Variants in ARGFX observed in about 807,000 individuals in gnomAD.
ARGFX encodes the protein arginine-fifty homeobox.
In ARGFX, 10 loss-of-function variants were observed where a neutral mutation model predicts 8.0. That is an observed-to-expected ratio of 1.25 (90% CI 0.77 to 2.12). The LOEUF is 2.12. Ranked by LOEUF, ARGFX falls within the 30% of genes most tolerant of loss-of-function variation. ARGFX has a pLI of 0.00. For missense variants in ARGFX, 282 were observed against 324.3 expected (o/e 0.87, Z 1.00); for synonymous variants, 116 against 117.8 (o/e 0.98, Z 0.10).
intron 2 of ARGFX, among the ~76,000 whole-genome samples, chr3:121,571,029 TATA>T (rs1372276619): frequency 1.6e-4 from 24 of 152,224 alleles, no homozygotes; most frequent in African/African-American, 5.5e-4. Flanking sequence ...AAGCTAAGAA[TATA>T]ATATATAGAG....
At position 121,570,747 on chromosome 3, in the gene ARGFX, C is replaced by T. The variant is rs147644178; in HGVS notation, c.34C>T (p.Pro12Ser). The T allele has an allele frequency of 2.5e-3, 4,077 of 1,610,598 alleles. 105 individuals carry two copies. The East Asian group carries it at 0.059, about 23-fold the overall frequency. Residue 12 changes from proline to serine, a missense_variant, in exon 2 of 5, where the codon CCA becomes TCA. Pro to Ser is a moderately conservative substitution (Grantham distance 74). Transcript: ENST00000334384. The stretch of plus-strand genomic sequence containing the variant: ...CAGAATGGCCCCAGAGAATCCCCAG[C>T]CAGACCCTTTCATCAATAGGAATTA... ...RNRMAPENPQ[P>S]DPFINRNYSN... is the part of the protein sequence containing the mutation.
At chr3:121,583,555 C>T (rs2048792871) in intron 3 of ARGFX, among the ~76,000 whole-genome samples, 1 of 151,768 alleles carries the variant, frequency 6.6e-6, no homozygotes, top group African/African-American at 2.4e-5. Flanking sequence ...GGCAATTCTC[C>T]CACCTCAGCC....
intron 2 of ARGFX, among the ~76,000 whole-genome samples, chr3:121,574,481 G>T (rs1158786893): frequency 6.6e-6 from 1 of 152,210 alleles, no homozygotes; most frequent in Non-Finnish European, 1.5e-5. Flanking sequence ...GACAGTGACA[G>T]ATCACCAGGC....
rs2048822827 is a variant in ARGFX, at chr3:121,588,008, G to A, written c.*1408G>A. ...CAATGGTCCAGACATAATAAGAGGT[G>A]TAAAAACTATCACAGGAAGAAATAA... On this transcript the variant is annotated 3_prime_UTR_variant, in exon 5 of 5. Coordinates refer to ENST00000334384, the MANE Select transcript of ARGFX (RefSeq NM_001012659.2). Among the ~76,000 whole-genome samples the A allele has an allele frequency of 6.6e-6, 1 of 151,822 alleles. No homozygotes were observed. Among genetic ancestry groups the A allele is most frequent in the Admixed American group, 6.6e-5 (1 of 15,230 alleles).
In ARGFX at chr3:121,588,813, G is replaced by T. The variant is rs1560124267; in HGVS notation, c.*2213G>T. ...ATGGTGGCACACACCTGTAGTCCCA[G>T]CTACTTGGGAGGCTGAGGCAGGAGA... On this transcript the variant is annotated 3_prime_UTR_variant, in exon 5 of 5. Transcript: ENST00000334384. 1.3e-5 allele frequency among the ~76,000 whole-genome samples: 2 copies of T among 152,088 alleles called. No individual in the cohort carries two copies. Among genetic ancestry groups the T allele is most frequent in the East Asian group, 3.8e-4 (2 of 5,196 alleles).
intron 2 of ARGFX, among the ~76,000 whole-genome samples, chr3:121,575,436 A>G (rs530214350): frequency 1.2e-4 from 19 of 152,286 alleles, no homozygotes; most frequent in African/African-American, 4.1e-4. Flanking sequence ...AAAGTAGCCT[A>G]TGTTGCAGAA....
At chr3:121,585,184 C>A in intron 4 of ARGFX, 119 bp downstream of exon 4, 1 of 1,154,100 alleles carries the variant, frequency 8.7e-7, no homozygotes. Context: ...TGAGTACCTA[C>A]TGAAACGGTA....
intron 1 of ARGFX, among the ~76,000 whole-genome samples, chr3:121,568,586 T>C (rs1017547848): frequency 3.9e-5 from 6 of 152,226 alleles, no homozygotes; most frequent in Non-Finnish European, 7.3e-5. Context: ...GGGTTTAGAC[T>C]GTGTGTACAA....
chr3:121,573,458 C>CAG (rs1223748220), intron 2 of ARGFX, among the ~76,000 whole-genome samples: 3 of 149,696 alleles, frequency 2.0e-5, no homozygotes, highest in East Asian at 2.0e-4. Context: ...GCTTGGATGA[C>CAG]AGAGAGAGAG....
At chr3:121,579,931 TTTTC>T (rs1218024831) in intron 3 of ARGFX, among the ~76,000 whole-genome samples, 21 of 97,150 alleles carry the variant, frequency 2.2e-4, no homozygotes, top group Middle Eastern at 5.0e-3. Flanking sequence ...TTTCTTTTTC[TTTTC>T]TTTTCTTTTC....
intron 1 of ARGFX, among the ~76,000 whole-genome samples, chr3:121,570,469 GAT>G (rs777377878): frequency 3.0e-4 from 46 of 152,288 alleles, no homozygotes; most frequent in Non-Finnish European, 5.6e-4. Flanking sequence ...GAGTCACAAA[GAT>G]ATTGACACAG....
chr3:121,583,902 C>T (rs1237017712), intron 3 of ARGFX, among the ~76,000 whole-genome samples: 2 of 151,160 alleles, frequency 1.3e-5, no homozygotes, highest in Non-Finnish European at 2.9e-5. Context: ...CTACCAGGCA[C>T]GGTGGTTCAC....
At chr3:121,577,338 C>T (rs931183526) in intron 3 of ARGFX, among the ~76,000 whole-genome samples, 7 of 148,744 alleles carry the variant, frequency 4.7e-5, no homozygotes, top group Non-Finnish European at 8.9e-5. Flanking sequence ...ACTGCAACCT[C>T]CACCTCCTGG....
rs201396392 is a variant in ARGFX at position 121,575,917 on chromosome 3, A to AT, written c.104-865dup. Among the ~76,000 whole-genome samples the AT allele has an allele frequency of 7.2e-3, 585 of 80,850 alleles. 2 individuals are homozygous for AT. Among genetic ancestry groups the AT allele is most frequent in the Non-Finnish European group, 0.011 (403 of 36,138 alleles). 53.0% of individuals were successfully genotyped at this position (80,850 alleles called of 152,430 possible). On this transcript the variant is annotated intron_variant, in intron 2 of 4. Coordinates refer to ENST00000334384, the MANE Select transcript of ARGFX (RefSeq NM_001012659.2). The stretch of plus-strand genomic sequence containing the variant: ...GTTCCGGTGAGACTCTGTCTCAAAC[A>AT]TTAAAAAAAAAGTGTGGTTGAAAAT...
intron 3 of ARGFX, among the ~76,000 whole-genome samples, chr3:121,580,111 C>A (rs1254369024): frequency 6.6e-6 from 1 of 151,738 alleles, no homozygotes; most frequent in Non-Finnish European, 1.5e-5. Flanking sequence ...TGCCACTACA[C>A]CCTTTTTTGT....
Position 121,586,541 on chromosome 3 carries a change from C to T in ARGFX, c.889C>T (p.Leu297=), listed in dbSNP as rs1446606315. ...AAGCCAAGCCTTTGAAGCCTACAGT[C>T]TAACAGATAGCCTGGAATTCCAGAA... is the stretch of plus-strand genomic sequence containing the variant. The part of the protein sequence containing the change: ...MTSQAFEAYS[L]TDSLEFQKTS... Residue 297 remains leucine (L), a synonymous_variant, in exon 5 of 5, where the codon CTA becomes TTA. Coordinates refer to ENST00000334384, the MANE Select transcript of ARGFX (RefSeq NM_001012659.2). 3 of 1,614,164 alleles carry T rather than the reference C, an allele frequency of 1.9e-6. No homozygotes were observed. In the East Asian group the frequency reaches 6.7e-5, roughly 36 times the overall value.
rs550019702 is a variant in ARGFX, at chr3:121,587,197, G to T, written c.*597G>T. On this transcript the variant is annotated 3_prime_UTR_variant, in exon 5 of 5. Coordinates refer to ENST00000334384, the MANE Select transcript of ARGFX (RefSeq NM_001012659.2). ...CTCCTGAGTAGCTGGGATTACAGGC[G>T]TGTGCCACCATGCCTGGCTAACTTT... Among the ~76,000 whole-genome samples the T allele has an allele frequency of 2.0e-5, 3 of 152,176 alleles. 1 individual carries two copies. The South Asian group carries it at 6.2e-4, about 32-fold the overall frequency.
chr3:121,576,495 T>C (rs2048736723), intron 2 of ARGFX, among the ~76,000 whole-genome samples: 2 of 151,170 alleles, frequency 1.3e-5, no homozygotes, highest in Admixed American at 6.6e-5. Flanking sequence ...TGCGCCACCA[T>C]GCCCAGCTAA....
chr3:121,578,066 G>A (rs546529131), intron 3 of ARGFX, among the ~76,000 whole-genome samples: 5 of 150,784 alleles, frequency 3.3e-5, no homozygotes, highest in South Asian at 2.1e-4. Context: ...GAATACAGGC[G>A]TGAGCCACCA....
Sources: allele counts gnomAD v4.1 joint callset (sites outside exome capture counted in the v4.1 genomes callset), GRCh38; gene constraint gnomAD v4.1.1; transcripts MANE v1.5; gene names NCBI Gene and HGNC (gene_info 2026-07-23, HGNC 2026-07-21).